The following PRKCA variants were observed in gnomAD, a reference collection of about 807,000 sequenced individuals.
The protein encoded by PRKCA is protein kinase C alpha.
Under a neutral mutation model 87.0 loss-of-function variants are expected in PRKCA, and 27 were observed. That is an observed-to-expected ratio of 0.31 (90% CI 0.23 to 0.43). The LOEUF (loss-of-function observed/expected upper bound fraction) is 0.43. PRKCA is among the 20% of genes least tolerant of loss of function. The pLI, the probability that PRKCA is intolerant of heterozygous loss-of-function variation, is 1.00. For synonymous variants in PRKCA, 329 were observed against 311.1 expected (o/e 1.06, Z -0.61); for missense variants, 518 against 852.3 (o/e 0.61, Z 4.88).
intron 2 of PRKCA, among the ~76,000 whole-genome samples, chr17:66,311,082 T>C (rs1905066745): frequency 6.6e-6 from 1 of 152,220 alleles, no homozygotes; most frequent in Non-Finnish European, 1.5e-5. Flanking sequence ...CAGGAGGGGT[T>C]CAGCCCTTGG....
chr17:66,700,632 A>T (rs1419704229), intron 8 of PRKCA, among the ~76,000 whole-genome samples: 1 of 152,244 alleles, frequency 6.6e-6, no homozygotes, highest in Non-Finnish European at 1.5e-5. Context: ...TACAAAAATC[A>T]GTTGTGTTTC....
intron 2 of PRKCA, among the ~76,000 whole-genome samples, chr17:66,376,461 A>G (rs1909420924): frequency 6.6e-6 from 1 of 152,156 alleles, no homozygotes; most frequent in South Asian, 2.1e-4. Context: ...TACAAAAATT[A>G]TCTGGGCATG....
intron 3 of PRKCA, among the ~76,000 whole-genome samples, chr17:66,504,789 T>C (rs1049040228): frequency 6.6e-6 from 1 of 152,212 alleles, no homozygotes; most frequent in Non-Finnish European, 1.5e-5. Flanking sequence ...AGTCCATCAG[T>C]GTTTTTCTGT....
intron 8 of PRKCA, among the ~76,000 whole-genome samples, chr17:66,717,794 G>A (rs987341418): frequency 3.9e-5 from 6 of 152,194 alleles, no homozygotes; most frequent in Non-Finnish European, 8.8e-5. Context: ...ACTCCCCAGG[G>A]ACCCTTCTGT....
At chr17:66,334,065 G>A (rs1906514057) in intron 2 of PRKCA, among the ~76,000 whole-genome samples, 1 of 152,066 alleles carries the variant, frequency 6.6e-6, no homozygotes, top group African/African-American at 2.4e-5. Context: ...GGCCTGGCCA[G>A]CATGGTGAAA....
chr17:66,574,722 CA>C lies in PRKCA; in HGVS notation c.289-66617del, dbSNP rs56913809. 1.0e-2 allele frequency among the ~76,000 whole-genome samples: 1,308 copies of C among 130,954 alleles called. 6 individuals carry two copies. Among genetic ancestry groups the C allele is most frequent in the African/African-American group, 0.017 (595 of 35,864 alleles). 85.9% of individuals were successfully genotyped at this position (130,954 alleles called of 152,430 possible). A position where few individuals can be genotyped will look rare whatever the true frequency, so the allele number is the denominator to read the frequency against. ...TAGCATGAAACAGATATTCCAAAAT[CA>C]AAAAAAAAAAAAAAATCCTAAATTC... On this transcript the variant is annotated intron_variant, in intron 3 of 16. Coordinates refer to ENST00000413366, the MANE Select transcript of PRKCA (RefSeq NM_002737.3).
At chr17:66,677,428 A>G (rs1023358357) in intron 5 of PRKCA, 2 of 152,218 alleles carry the variant, frequency 1.3e-5, no homozygotes, top group African/African-American at 4.8e-5. Flanking sequence ...TCGTTTGTTC[A>G]CATATCGTCC....
chr17:66,663,706 A>G (rs1056439953), intron 5 of PRKCA, among the ~76,000 whole-genome samples: 3 of 152,190 alleles, frequency 2.0e-5, no homozygotes, highest in Admixed American at 6.5e-5. Context: ...TTATGCCACT[A>G]GAAATACAAA....
chr17:66,508,695 G>A (rs920876491), intron 3 of PRKCA, among the ~76,000 whole-genome samples: 2 of 152,084 alleles, frequency 1.3e-5, no homozygotes, highest in East Asian at 1.9e-4. Context: ...CAAGTGCTAC[G>A]AGTTCTGCTT....
At chr17:66,435,080 T>A (rs902676470) in intron 2 of PRKCA, among the ~76,000 whole-genome samples, 2 of 152,230 alleles carry the variant, frequency 1.3e-5, no homozygotes, top group African/African-American at 4.8e-5. Flanking sequence ...GATGTATGAA[T>A]GAAATAAATA....
chr17:66,415,991 G>A (rs1373496539), intron 2 of PRKCA: 4 of 152,206 alleles, frequency 2.6e-5, no homozygotes, highest in East Asian at 1.9e-4. Context: ...ATTCCCATTC[G>A]TTAGGTGCCT....
chr17:66,414,396 T>C (rs1157200814), intron 2 of PRKCA, among the ~76,000 whole-genome samples: 1 of 152,168 alleles, frequency 6.6e-6, no homozygotes, highest in Non-Finnish European at 1.5e-5. Context: ...TCTGCCATGA[T>C]TGTAAGTTCC....
At chr17:66,618,848 TTCCCTCCC>T (rs1462292728) in intron 3 of PRKCA, among the ~76,000 whole-genome samples, 1 of 152,128 alleles carries the variant, frequency 6.6e-6, no homozygotes, top group Non-Finnish European at 1.5e-5. Context: ...GGTATAAATC[TTCCCTCCC>T]TCCCTCCCTT....
At chr17:66,569,651 T>C (rs1191093366) in intron 3 of PRKCA, among the ~76,000 whole-genome samples, 1 of 151,946 alleles carries the variant, frequency 6.6e-6, no homozygotes, top group South Asian at 2.1e-4. Flanking sequence ...GTAAACTTCA[T>C]GAAAGAGGAT....
At chr17:66,482,731 G>A (rs2073280950) in intron 2 of PRKCA, among the ~76,000 whole-genome samples, 1 of 152,150 alleles carries the variant, frequency 6.6e-6, no homozygotes, top group South Asian at 2.1e-4. Flanking sequence ...CACATACAAA[G>A]GCAATGATTT....
chr17:66,302,907 G>A lies in PRKCA; in HGVS notation c.56G>A (p.Arg19His), dbSNP rs1346778661. ...DSTASQDVAN[R>H]FARKGALRQK... ...ACGGCGTCTCAGGACGTGGCCAACC[G>A]CTTCGCCCGCAAAGGGGCGCTGAGG... The change falls in exon 1 of 17, where the codon CGC becomes CAC. Residue 19 changes from arginine (R) to histidine (H), a missense_variant. This residue lies in a region of PRKCA where 33 missense variants were observed against 34.1 expected (regional missense o/e 0.97). Coordinates refer to ENST00000413366, the MANE Select transcript of PRKCA (RefSeq NM_002737.3). 6.2e-7 allele frequency: 1 copy of A among 1,606,850 alleles called. No homozygotes were observed. The highest frequency in any genetic ancestry group is 8.5e-7 in the Non-Finnish European group (1 of 1,175,756).
intron 16 of PRKCA, among the ~76,000 whole-genome samples, chr17:66,798,407 A>ATGGTGGTGGTGGTGGTGGTGGTGG (rs1975727297): frequency 1.9e-4 from 9 of 47,532 alleles, no homozygotes; most frequent in Non-Finnish European, 3.1e-4. Flanking sequence ...GGTGGTGGTG[A>ATGGTGGTGGTGGTGGTGGTGGTGG]TGGTGATGGT....
intron 2 of PRKCA, among the ~76,000 whole-genome samples, chr17:66,388,051 T>C (rs967122021): frequency 2.4e-4 from 37 of 152,140 alleles, no homozygotes; most frequent in Non-Finnish European, 7.4e-5. Context: ...AGCTTCAACA[T>C]AGCAGAGCGG....
In PRKCA at chr17:66,805,488, A is replaced by T. The variant is rs533449917; in HGVS notation, c.*1451A>T. 6.6e-6 allele frequency: 1 copy of T among 152,388 alleles called. No homozygotes were observed. Among genetic ancestry groups the T allele is most frequent in the Non-Finnish European group, 1.5e-5 (1 of 68,048 alleles). 9.4% of individuals were successfully genotyped at this position (152,388 alleles called of 1,614,324 possible). A position where few individuals can be genotyped will look rare whatever the true frequency, so the allele number is the denominator to read the frequency against. On this transcript the variant is annotated 3_prime_UTR_variant, in exon 17 of 17. Coordinates refer to ENST00000413366, the MANE Select transcript of PRKCA (RefSeq NM_002737.3). ...TTCCCTCCCTGCACATGGGCACTGT[A>T]TCAGATAGATTACTTTTTAAATGTA...
Sources: gnomAD v4.1 joint callset for allele counts (sites outside exome capture counted in the v4.1 genomes callset) on GRCh38, gnomAD v4.1.1 for gene constraint, gnomAD v4.1.1 regional missense constraint, MANE v1.5 for transcripts, NCBI Gene and HGNC (gene_info 2026-07-23, HGNC 2026-07-21) for gene names.